Variants in PCDHGA6 observed in about 807,000 individuals in gnomAD.
PCDHGA6 encodes the protein protocadherin gamma-A6.
PCDHGA6 carries 41 observed loss-of-function variants against 60.6 expected under a neutral mutation model. The ratio of observed to expected loss-of-function variants is 0.68; its 90% CI spans 0.53 to 0.88. The LOEUF is 0.88. PCDHGA6 is among the 40% of genes least tolerant of loss of function. PCDHGA6 has a pLI of 0.00. For missense variants in PCDHGA6, 1,312 were observed against 1,203.0 expected (o/e 1.09, Z -1.34); for synonymous variants, 594 against 524.4 (o/e 1.13, Z -1.81).
intron 1 of PCDHGA6, among the ~76,000 whole-genome samples, chr5:141,397,572 C>T (rs374731219): frequency 1.8e-4 from 27 of 152,196 alleles, no homozygotes; most frequent in Middle Eastern, 3.4e-3. Context: ...AGAGCAAGAA[C>T]TGTATCATAT....
Position 141,422,740 on chromosome 5 carries a change from T to C in PCDHGA6, c.2424+46233T>C, listed in dbSNP as rs536737009. The C allele has an allele frequency of 2.7e-5, 43 of 1,609,962 alleles. 1 individual carries two copies. In the South Asian group the frequency reaches 4.8e-4, roughly 18 times the overall value. On this transcript the variant is annotated intron_variant, in intron 1 of 3. Transcript: ENST00000517434. ...TGTCCAGGGGGTGCCTCTGTCCTCC[T>C]ATGTCTCTATTAACTCCAACACTGG... is the stretch of plus-strand genomic sequence containing the variant.
At chr5:141,418,621 C>G (rs765634746) in intron 1 of PCDHGA6, 2 of 1,613,916 alleles carry the variant, frequency 1.2e-6, no homozygotes, top group Non-Finnish European at 1.7e-6. Flanking sequence ...TTCGGGAAGA[C>G]GTGCCTCCAG....
chr5:141,470,476 A>G (rs1009129571), intron 1 of PCDHGA6, among the ~76,000 whole-genome samples: 7 of 152,128 alleles, frequency 4.6e-5, no homozygotes, highest in African/African-American at 1.7e-4. Context: ...GATATTACTA[A>G]CCCTCTGGGA....
rs2099417733 is a variant in PCDHGA6, at chr5:141,477,771, G to C, written c.2425-17036G>C. ...ACCCCGGTCCTAGCCACCAACATCAGCGTGAACATATTTGTCACTGATCGC... is the reference window on the plus strand; with the variant it reads ...ACCCCGGTCCTAGCCACCAACATCACCGTGAACATATTTGTCACTGATCGC... On this transcript the variant is annotated intron_variant, in intron 1 of 3. Transcript: ENST00000517434. This position sits in a 1 kb window ranked among gnomAD's most constrained non-coding sequence, Gnocchi z 4.9. 3 of 1,613,992 alleles carry C rather than the reference G, an allele frequency of 1.9e-6. No homozygotes were observed. The highest frequency in any genetic ancestry group is 3.3e-4 in the Middle Eastern group (2 of 6,062).
chr5:141,390,464 T>C (rs2092153361), intron 1 of PCDHGA6: 3 of 718,912 alleles, frequency 4.2e-6, no homozygotes, highest in Admixed American at 3.0e-5. Flanking sequence ...GTAGGAGCAA[T>C]TGTGTGGCCC....
chr5:141,466,121 C>CA (rs908379481), intron 1 of PCDHGA6, among the ~76,000 whole-genome samples: 24 of 146,876 alleles, frequency 1.6e-4, no homozygotes, highest in East Asian at 8.0e-4. Context: ...GACTCCAGCT[C>CA]AAAAAAAAAA....
chr5:141,421,426 A>G, intron 1 of PCDHGA6: 2 of 1,614,104 alleles, frequency 1.2e-6, no homozygotes, highest in South Asian at 1.1e-5. Context: ...CGGAGTCCGC[A>G]TCGTCTCCAG....
rs749769645 is a variant in PCDHGA6, at chr5:141,376,049, G to A, written c.1966G>A (p.Ala656Thr). The change falls in exon 1 of 4, where the codon GCC (alanine) becomes ACC (threonine). Residue 656 changes from alanine to threonine, a missense_variant. Transcript: ENST00000517434. ...GGACCACGGCCAGCCCCCTCTCTCCGCCACTGTCACGCTCACCGTGGCCGT... is the reference window on the plus strand; with the variant it reads ...GGACCACGGCCAGCCCCCTCTCTCCACCACTGTCACGCTCACCGTGGCCGT... ...VQDHGQPPLS[A>T]TVTLTVAVAD... is the part of the protein sequence containing the mutation. The A allele has an allele frequency of 1.9e-5, 31 of 1,613,116 alleles. No homozygotes were observed. The highest frequency in any genetic ancestry group is 2.2e-5 in the East Asian group (1 of 44,870).
intron 1 of PCDHGA6, chr5:141,387,677 C>A (rs1256771366): frequency 1.8e-5 from 13 of 740,970 alleles, no homozygotes; most frequent in South Asian, 4.0e-5. Context: ...GATCTCCTCG[C>A]GCAGCCGCAG....
At chr5:141,435,877 G>A (rs1554127514) in intron 1 of PCDHGA6, among the ~76,000 whole-genome samples, 1 of 152,092 alleles carries the variant, frequency 6.6e-6, no homozygotes, top group Non-Finnish European at 1.5e-5. Flanking sequence ...AAAAGAGATT[G>A]GAAACCCCTT....
chr5:141,391,756 TAGTA>T (rs1440223357), intron 1 of PCDHGA6: 2 of 152,192 alleles, frequency 1.3e-5, no homozygotes, highest in African/African-American at 2.4e-5. Flanking sequence ...TTTGGCTTCT[TAGTA>T]AGTATTATAT....
chr5:141,485,192 A>T lies in PCDHGA6; in HGVS notation c.2425-9615A>T. 1.2e-6 allele frequency: 2 copies of T among 1,613,942 alleles called. No individual in the cohort carries two copies. Among genetic ancestry groups the T allele is most frequent in the African/African-American group, 2.7e-5 (2 of 75,048 alleles). On this transcript the variant is annotated intron_variant, in intron 1 of 3. Transcript: ENST00000517434. The surrounding 1 kb of genome is among the most constrained non-coding windows in gnomAD (Gnocchi z 5.7). ...GGCAGCAATGCTCCGCAAGGTGAGA[A>T]GCTGGACAGAAATCTGGCGGTGGGC... is the stretch of plus-strand genomic sequence containing the variant.
rs753625335 is a variant in PCDHGA6 at position 141,374,678 on chromosome 5, A to C, written c.595A>C (p.Thr199Pro). ...GTACCCGGAGCTGGTGCTGGAGGGCACACTGGACCGGGAAGGAGAAGCCGT... is the reference window on the plus strand; with the variant it reads ...GTACCCGGAGCTGGTGCTGGAGGGCCCACTGGACCGGGAAGGAGAAGCCGT... ...PKYPELVLEG[T>P]LDREGEAVYR... Residue 199 changes from threonine (T) to proline (P), a missense_variant, in exon 1 of 4, where the codon ACA becomes CCA. By Grantham distance (38) the Thr-to-Pro change is conservative. Coordinates refer to ENST00000517434, the MANE Select transcript of PCDHGA6 (RefSeq NM_018919.3). The C allele has an allele frequency of 1.2e-6, 2 of 1,610,496 alleles. No homozygotes were observed. The highest frequency in any genetic ancestry group is 1.7e-5 in the Admixed American group (1 of 59,320).
chr5:141,382,961 G>A (rs749724133), intron 1 of PCDHGA6: 14 of 1,607,564 alleles, frequency 8.7e-6, no homozygotes, highest in Non-Finnish European at 1.2e-5. Flanking sequence ...ATCCTCCTGG[G>A]GACCCCCTGG....
chr5:141,388,971 C>T (rs2091561776), intron 1 of PCDHGA6: 2 of 1,613,890 alleles, frequency 1.2e-6, no homozygotes, highest in South Asian at 2.2e-5. Flanking sequence ...GCTGGGAACA[C>T]ATATTGCTTT....
intron 1 of PCDHGA6, chr5:141,414,817 A>C: frequency 6.2e-7 from 1 of 1,614,214 alleles, no homozygotes; most frequent in Non-Finnish European, 8.5e-7. Context: ...TCCACTCAGC[A>C]GCAACGTGTC....
At chr5:141,506,241 G>C (rs2237081) in intron 3 of PCDHGA6, among the ~76,000 whole-genome samples, 78,081 of 151,504 alleles carry the variant, frequency 0.52, 20,775 homozygotes, top group African/African-American at 0.63. Context: ...ATGAGGTCAG[G>C]AGTTCGAAAC....
At chr5:141,500,568 T>C (rs1562196424) in intron 2 of PCDHGA6, among the ~76,000 whole-genome samples, 2 of 152,190 alleles carry the variant, frequency 1.3e-5, no homozygotes, top group Admixed American at 6.5e-5. Context: ...CTTGTCACAC[T>C]TTCATGTGAC....
At chr5:141,430,931 G>C (rs781580216) in intron 1 of PCDHGA6, 2 of 1,607,530 alleles carry the variant, frequency 1.2e-6, no homozygotes, top group Admixed American at 1.7e-5. Flanking sequence ...GGAGCCCCGG[G>C]AGCTCGCGGA....
Sources: gnomAD v4.1 joint callset for allele counts (sites outside exome capture counted in the v4.1 genomes callset) on GRCh38, gnomAD v4.1.1 for gene constraint, Gnocchi (gnomAD v3.1) non-coding constraint, MANE v1.5 for transcripts, NCBI Gene and HGNC (gene_info 2026-07-23, HGNC 2026-07-21) for gene names.